Variants in CFAP54 observed in about 807,000 individuals in gnomAD.
The protein encoded by CFAP54 is cilia- and flagella-associated protein 54.
Under a neutral mutation model 370.4 loss-of-function variants are expected in CFAP54, and 290 were observed. The ratio of observed to expected loss-of-function variants is 0.78; its 90% CI spans 0.71 to 0.86. CFAP54 has a LOEUF of 0.86. CFAP54 is among the 40% of genes least tolerant of loss of function. The pLI is 0.00. For missense variants in CFAP54, 3,399 were observed against 3,528.7 expected (o/e 0.96, Z 0.93); for synonymous variants, 1,206 against 1,236.5 (o/e 0.98, Z 0.52).
At chr12:96,862,959 A>G (rs1243129306) in intron 67 of CFAP54, among the ~76,000 whole-genome samples, 55 of 152,164 alleles carry the variant, frequency 3.6e-4, no homozygotes, top group East Asian at 1.9e-4. Flanking sequence ...AAACAGCATG[A>G]CTCATAACCA....
chr12:96,657,965 T>G lies in CFAP54; in HGVS notation c.5184T>G (p.Phe1728Leu), dbSNP rs866257831. Reference sequence around the variant, plus strand: ...ACAACGGTGGTTCTAGTCTTACCTTTGAGCATCCTTTGGATGATGTAAATG... The same window carrying G: ...ACAACGGTGGTTCTAGTCTTACCTTGGAGCATCCTTTGGATGATGTAAATG... ...KNDNGGSSLT[F>L]EHPLDDVNVV... is the part of the protein sequence containing the mutation. Residue 1728 changes from phenylalanine to leucine, a missense_variant, in exon 37 of 68, where the codon TTT (phenylalanine) becomes TTG (leucine). Phe to Leu is a conservative substitution (Grantham distance 22). Around this residue, in one of 3 missense-constraint regions of CFAP54, gnomAD observed 2,796 missense variants for 2,869.7 expected, o/e 0.97. Transcript: ENST00000524981. 7.4e-6 allele frequency: 12 copies of G among 1,613,718 alleles called. No individual in the cohort carries two copies. Among genetic ancestry groups the G allele is most frequent in the Non-Finnish European group, 1.0e-5 (12 of 1,179,726 alleles).
intron 32 of CFAP54, among the ~76,000 whole-genome samples, chr12:96,635,974 G>T (rs543291631): frequency 3.3e-5 from 5 of 152,196 alleles, no homozygotes; most frequent in Admixed American, 6.5e-5. Context: ...AACCTGGCTT[G>T]CAGCCACCCT....
intron 35 of CFAP54, 94 bp downstream of exon 35, chr12:96,650,166 T>G (rs1475448236): frequency 1.2e-5 from 13 of 1,118,686 alleles, no homozygotes; most frequent in Non-Finnish European, 1.7e-5. Context: ...TTTCTTATTA[T>G]ACATAATTTT....
At chr12:96,624,010 A>G (rs946114976) in intron 28 of CFAP54, 129 bp downstream of exon 28, 6 of 608,070 alleles carry the variant, frequency 9.9e-6, no homozygotes, top group African/African-American at 9.3e-5. Flanking sequence ...GTGCTTTTAT[A>G]TCATTAATCC....
chr12:96,663,024 C>A (rs1439875317), intron 38 of CFAP54, among the ~76,000 whole-genome samples: 3 of 152,126 alleles, frequency 2.0e-5, no homozygotes, highest in Non-Finnish European at 4.4e-5. Flanking sequence ...TTGTTCTCTG[C>A]TACATCATCC....
At chr12:96,524,614 T>C (rs1452197938) in intron 8 of CFAP54, among the ~76,000 whole-genome samples, 1 of 152,134 alleles carries the variant, frequency 6.6e-6, no homozygotes, top group Non-Finnish European at 1.5e-5. Context: ...ACATTCCAAG[T>C]GAAGGATCAG....
chr12:96,758,067 C>T (rs1221270967), intron 58 of CFAP54, among the ~76,000 whole-genome samples: 1 of 152,080 alleles, frequency 6.6e-6, no homozygotes, highest in East Asian at 1.9e-4. Context: ...CTACTATGAT[C>T]CAGGTACTCT....
At chr12:96,554,151 T>C (rs1236616274) in intron 15 of CFAP54, 31 bp from the exon 16 acceptor site, 1 of 1,402,220 alleles carries the variant, frequency 7.1e-7, no homozygotes, top group East Asian at 2.5e-5. Context: ...CCTTGTTTTA[T>C]TTTTCTTTTT....
intron 58 of CFAP54, among the ~76,000 whole-genome samples, 179 bp downstream of exon 58, chr12:96,757,767 T>C (rs1958279968): frequency 6.6e-6 from 1 of 152,208 alleles, no homozygotes; most frequent in African/African-American, 2.4e-5. Flanking sequence ...GGACATTTTA[T>C]ATAGGGCTTT....
chr12:96,587,699 G>C (rs1956087193), intron 22 of CFAP54, among the ~76,000 whole-genome samples: 1 of 152,146 alleles, frequency 6.6e-6, no homozygotes, highest in African/African-American at 2.4e-5. Flanking sequence ...TACAAGAAAA[G>C]AACAGTTAAT....
At position 96,504,029 on chromosome 12, in the gene CFAP54, A is replaced by C. The variant is rs1191360558; in HGVS notation, c.567A>C (p.Thr189=). The C allele has an allele frequency of 4.0e-6, 6 of 1,504,342 alleles. No homozygotes were observed. The highest frequency in any genetic ancestry group is 5.3e-6 in the Non-Finnish European group (6 of 1,136,714). 93.2% of individuals were successfully genotyped at this position (1,504,342 alleles called of 1,614,324 possible). A position where few individuals can be genotyped will look rare whatever the true frequency, so the allele number is the denominator to read the frequency against. The change falls in exon 3 of 68, where the codon ACA becomes ACC. Residue 189 remains threonine (T), a splice_region_variant and synonymous_variant. Coordinates refer to ENST00000524981, the MANE Select transcript of CFAP54 (RefSeq NM_001306084.2). ...KGFKDKTAGL[T]FHALSGKNMC... is the part of the protein sequence containing the mutation. The stretch of plus-strand genomic sequence containing the variant: ...TTAAAGATAAAACTGCTGGACTTAC[A>C]GTAAGATGAAAGAGCAGCTGAAATA...
rs143406073 is a variant in CFAP54, at chr12:96,693,969, G to A, written c.6351+161G>A. 7.6e-4 allele frequency among the ~76,000 whole-genome samples: 116 copies of A among 152,310 alleles called. 1 individual carries two copies. Among genetic ancestry groups the A allele is most frequent in the African/African-American group, 2.7e-3 (112 of 41,558 alleles). ...CATTATTATAATAAAGTATGAGAAA[G>A]AGCCAGTCAGAAAGGTGTAGATTAT... On this transcript the variant is annotated intron_variant, in intron 45 of 67. Transcript: ENST00000524981.
chr12:96,531,497 A>C (rs75669648), intron 9 of CFAP54, among the ~76,000 whole-genome samples: 1 of 151,182 alleles, frequency 6.6e-6, no homozygotes, highest in South Asian at 2.1e-4. Context: ...TAAAAAAAAA[A>C]TCCTTCAAGG....
At chr12:96,828,210 CTACT>C (rs1243781678) in intron 65 of CFAP54, among the ~76,000 whole-genome samples, 1 of 150,592 alleles carries the variant, frequency 6.6e-6, no homozygotes, top group Non-Finnish European at 1.5e-5. Flanking sequence ...GAGGAAAAAA[CTACT>C]TACAGTAACT....
At chr12:96,683,343 T>C (rs1332453967) in intron 40 of CFAP54, among the ~76,000 whole-genome samples, 1 of 152,222 alleles carries the variant, frequency 6.6e-6, no homozygotes, top group African/African-American at 2.4e-5. Context: ...ACTCAAATAC[T>C]ATCAACATGG....
chr12:96,788,998 G>A (rs1958656117), intron 62 of CFAP54, among the ~76,000 whole-genome samples: 2 of 152,194 alleles, frequency 1.3e-5, no homozygotes, highest in Admixed American at 6.5e-5. Flanking sequence ...ATTTAAAAAT[G>A]CTCATCTTTA....
chr12:96,547,297 T>A (rs1393632506), intron 14 of CFAP54, among the ~76,000 whole-genome samples: 1 of 152,206 alleles, frequency 6.6e-6, no homozygotes, highest in African/African-American at 2.4e-5. Context: ...GCAATTCTCC[T>A]GCCTCAGCAC....
chr12:96,638,337 G>A (rs73377610), intron 32 of CFAP54, among the ~76,000 whole-genome samples: 5,626 of 151,082 alleles, frequency 0.037, 146 homozygotes, highest in African/African-American at 0.076. Flanking sequence ...GGGCTTAAGC[G>A]CGATCCTCCT....
At chr12:96,738,650 C>T (rs1341640759) in intron 50 of CFAP54, among the ~76,000 whole-genome samples, 1 of 138,020 alleles carries the variant, frequency 7.2e-6, no homozygotes, top group African/African-American at 2.8e-5. Context: ...CTCACTCTGT[C>T]GCCGGGCTGG....
Sources: gnomAD v4.1 joint callset for allele counts (sites outside exome capture counted in the v4.1 genomes callset) on GRCh38, gnomAD v4.1.1 for gene constraint, gnomAD v4.1.1 regional missense constraint, MANE v1.5 for transcripts, NCBI Gene and HGNC (gene_info 2026-07-23, HGNC 2026-07-21) for gene names.